HACE1: variants seen among roughly 807,000 people sequenced by gnomAD.
HACE1 encodes E3 ubiquitin-protein ligase HACE1.
HACE1 carries 73 observed loss-of-function variants against 118.4 expected under a neutral mutation model. The observed-to-expected ratio is 0.62, with a 90% CI of 0.51 to 0.75. HACE1 has a LOEUF of 0.75. Ranked by LOEUF, HACE1 falls within the 30% of genes least tolerant of loss-of-function variation. The pLI is 0.00. For missense variants in HACE1, 749 were observed against 1,102.2 expected, an observed-to-expected ratio of 0.68 and a Z score of 4.54; for synonymous variants, 368 against 374.8, an observed-to-expected ratio of 0.98 and a Z score of 0.21.
At chr6:104,793,388 C>T (rs1360293890) in intron 10 of HACE1, among the ~76,000 whole-genome samples, 2 of 151,746 alleles carry the variant, frequency 1.3e-5, no homozygotes, top group African/African-American at 4.8e-5. Context: ...GCTATGATTT[C>T]TCTGTTCATT....
intron 6 of HACE1, among the ~76,000 whole-genome samples, chr6:104,821,271 A>G (rs574203131): frequency 1.3e-5 from 2 of 152,246 alleles, no homozygotes; most frequent in East Asian, 1.9e-4. Context: ...TAATCTGTAC[A>G]ACAAAGCCCC....
At chr6:104,758,136 C>A (rs1778921965) in intron 19 of HACE1, among the ~76,000 whole-genome samples, 1 of 152,102 alleles carries the variant, frequency 6.6e-6, no homozygotes, top group Non-Finnish European at 1.5e-5. Context: ...AGGATATTAT[C>A]CAGGAGAACT....
intron 11 of HACE1, among the ~76,000 whole-genome samples, chr6:104,789,442 G>T (rs1042822457): frequency 1.2e-4 from 18 of 151,830 alleles, no homozygotes; most frequent in African/African-American, 4.1e-4. Flanking sequence ...CTTGAAATAA[G>T]AAAGTATTTA....
At chr6:104,795,346 C>T (rs537155948) in intron 10 of HACE1, among the ~76,000 whole-genome samples, 82 of 152,320 alleles carry the variant, frequency 5.4e-4, no homozygotes, top group African/African-American at 1.9e-3. Context: ...ATTCTAGACA[C>T]ATATGCCCAA....
chr6:104,809,544 C>T (rs1771374660), intron 7 of HACE1, among the ~76,000 whole-genome samples: 1 of 152,024 alleles, frequency 6.6e-6, no homozygotes, highest in Non-Finnish European at 1.5e-5. Context: ...GGAGTGAAAT[C>T]ATGGAGGTCT....
At chr6:104,831,988 A>AATAGAAGAGAAGAG (rs1774015943) in intron 6 of HACE1, among the ~76,000 whole-genome samples, 3 of 53,812 alleles carry the variant, frequency 5.6e-5, no homozygotes, top group South Asian at 1.6e-3. Context: ...GAGAGGAAGG[A>AATAGAAGAGAAGAG]AGGAAGGAAG....
At position 104,791,634 on chromosome 6, in the gene HACE1, G is replaced by C; in HGVS notation, c.944C>G (p.Ala315Gly). Residue 315 changes from alanine (A) to glycine (G), a missense_variant, in exon 11 of 24, where the codon GCT (alanine) becomes GGT (glycine). Ala to Gly is a moderately conservative substitution (Grantham distance 60). Around this residue, in one of 5 missense-constraint regions of HACE1, gnomAD observed 267 missense variants for 312.2 expected, o/e 0.86. Transcript: ENST00000262903. Reference sequence around the variant, plus strand: ...AATCCTTAAAAGGCTCTTCATTTGAGCATCATAATTGCTAGAGAGGCTGAA... The same window carrying C: ...AATCCTTAAAAGGCTCTTCATTTGACCATCATAATTGCTAGAGAGGCTGAA... ...KLLSLSSNYDAQMKSLLRIVR... is the reference protein window; with the variant it reads ...KLLSLSSNYDGQMKSLLRIVR... 6.2e-7 allele frequency: 1 copy of C among 1,609,738 alleles called. No homozygotes were observed. The highest frequency in any genetic ancestry group is 8.5e-7 in the Non-Finnish European group (1 of 1,176,248).
chr6:104,796,940 A>T lies in HACE1; in HGVS notation c.703T>A (p.Leu235Ile), dbSNP rs754082375. 4.5e-6 allele frequency: 7 copies of T among 1,559,154 alleles called. No individual in the cohort carries two copies. The highest frequency in any genetic ancestry group is 6.2e-6 in the Non-Finnish European group (7 of 1,130,026). ...PDKNGVTPLD[L>I]CVQGGYGETC... Reference sequence around the variant, plus strand: ...AATGAAAAACACACCTGTACACATAAATCCAGAGGAGTTACTCCATTTTTA... The same window carrying T: ...AATGAAAAACACACCTGTACACATATATCCAGAGGAGTTACTCCATTTTTA... The change falls in exon 8 of 24, where the codon TTA becomes ATA. Residue 235 changes from leucine (L) to isoleucine (I), a missense_variant. Around this residue, in one of 5 missense-constraint regions of HACE1, gnomAD observed 267 missense variants for 312.2 expected, o/e 0.86. Coordinates refer to ENST00000262903, the MANE Select transcript of HACE1 (RefSeq NM_020771.4).
At chr6:104,785,356 TAA>T (rs1337802420) in intron 11 of HACE1, 37 bp from the exon 12 acceptor site, 2 of 1,143,574 alleles carry the variant, frequency 1.7e-6, no homozygotes, top group African/African-American at 3.1e-5. Context: ...ACATCATTCT[TAA>T]ACTACAGGAT....
chr6:104,841,961 C>T (rs1250807194), intron 5 of HACE1, among the ~76,000 whole-genome samples: 1 of 152,144 alleles, frequency 6.6e-6, no homozygotes, highest in Admixed American at 6.5e-5. Flanking sequence ...AATACATAAA[C>T]TTATTTTTGC....
intron 6 of HACE1, among the ~76,000 whole-genome samples, chr6:104,831,964 A>AGAAGG: frequency 1.1e-5 from 1 of 88,360 alleles, no homozygotes; most frequent in East Asian, 2.8e-4. Flanking sequence ...AGAAGAGAAG[A>AGAAGG]GAAGAGAAGA....
chr6:104,748,031 A>G (rs1442504215), intron 20 of HACE1, among the ~76,000 whole-genome samples: 1 of 152,112 alleles, frequency 6.6e-6, no homozygotes, highest in Non-Finnish European at 1.5e-5. Flanking sequence ...ATATCTTCAC[A>G]GCCTTGGAGT....
intron 5 of HACE1, among the ~76,000 whole-genome samples, chr6:104,838,359 C>T (rs1356823203): frequency 6.6e-6 from 1 of 152,056 alleles, no homozygotes; most frequent in Non-Finnish European, 1.5e-5. Context: ...TAAAAACAGA[C>T]ACACAGACCA....
At chr6:104,780,541 A>G (rs1781617393) in intron 14 of HACE1, 1 of 283,250 alleles carries the variant, frequency 3.5e-6, no homozygotes, top group African/African-American at 2.2e-5. Context: ...GACAATCTCC[A>G]AGTTACAGAA....
rs1769537416 is a variant in HACE1, at chr6:104,795,647, T to C, written c.855A>G (p.Glu285=). The change falls in exon 10 of 24, where the codon GAA becomes GAG. Residue 285 remains glutamate (E), a synonymous_variant. Coordinates refer to ENST00000262903, the MANE Select transcript of HACE1 (RefSeq NM_020771.4). ...QVLEHLSQQS[E]SQYLKILTSL... Reference sequence around the variant, plus strand: ...TTGTTAGAATCTTTAGGTACTGGCTTTCACTTTGCTGAGACAAATGCTCCA... The same window carrying C: ...TTGTTAGAATCTTTAGGTACTGGCTCTCACTTTGCTGAGACAAATGCTCCA... The C allele has an allele frequency of 6.2e-7, 1 of 1,613,222 alleles. No homozygotes were observed. The highest frequency in any genetic ancestry group is 8.5e-7 in the Non-Finnish European group (1 of 1,179,352).
intron 14 of HACE1, among the ~76,000 whole-genome samples, chr6:104,779,806 C>A (rs1781546408): frequency 1.3e-5 from 2 of 151,750 alleles, no homozygotes; most frequent in South Asian, 4.2e-4. Flanking sequence ...AAAGAATATA[C>A]CTACTTCAAG....
In HACE1 at chr6:104,795,654, T is replaced by C. The variant is rs1382668045; in HGVS notation, c.848A>G (p.Gln283Arg). 6 of 1,613,000 alleles carry C rather than the reference T, an allele frequency of 3.7e-6. No individual in the cohort carries two copies. Among genetic ancestry groups the C allele is most frequent in the Non-Finnish European group, 5.1e-6 (6 of 1,179,038 alleles). ...LRQVLEHLSQ[Q>R]SESQYLKILT... ...AATCTTTAGGTACTGGCTTTCACTT[T>C]GCTGAGACAAATGCTCCAGAACTTG... The change falls in exon 10 of 24, where the codon CAA becomes CGA. Residue 283 changes from glutamine (Q) to arginine (R), a missense_variant. Transcript: ENST00000262903.
At chr6:104,767,414 T>C (rs7753202) in intron 19 of HACE1, among the ~76,000 whole-genome samples, 85,954 of 151,932 alleles carry the variant, frequency 0.57, 25,956 homozygotes, top group African/African-American at 0.8. Context: ...TACATAATTC[T>C]TCATGCATGC....
intron 22 of HACE1, among the ~76,000 whole-genome samples, chr6:104,737,304 A>G (rs965009126): frequency 1.5e-4 from 22 of 150,842 alleles, no homozygotes; most frequent in African/African-American, 3.9e-4. Context: ...AAAAAAAAAA[A>G]AAAGAAAATT....
Sources: gnomAD v4.1 joint callset for allele counts (sites outside exome capture counted in the v4.1 genomes callset) on GRCh38, gnomAD v4.1.1 for gene constraint, gnomAD v4.1.1 regional missense constraint, MANE v1.5 for transcripts, NCBI Gene and HGNC (gene_info 2026-07-23, HGNC 2026-07-21) for gene names.